DAB1: variants seen among roughly 807,000 people sequenced by gnomAD.
DAB1 encodes the protein disabled homolog 1.
A neutral mutation model predicts 64.6 loss-of-function variants in DAB1; 15 were observed. That is an observed-to-expected ratio of 0.23 (90% CI 0.16 to 0.36). The LOEUF (loss-of-function observed/expected upper bound fraction) is 0.36. Among genes scored for constraint, DAB1 ranks in the 10% least tolerant of loss-of-function variants. The pLI is 1.00. For missense variants in DAB1, 596 were observed against 706.7 expected (o/e 0.84, Z 1.78); for synonymous variants, 235 against 251.9 (o/e 0.93, Z 0.64).
chr1:58,306,609 G>A (rs1185722816), intron 4 of DAB1, among the ~76,000 whole-genome samples: 1 of 152,088 alleles, frequency 6.6e-6, no homozygotes, highest in African/African-American at 2.4e-5. Context: ...TTGCTTGGCT[G>A]CAGAATTGGG....
At chr1:57,834,925 A>G (rs1308424912) in intron 1 of DAB1, among the ~76,000 whole-genome samples, 1 of 151,946 alleles carries the variant, frequency 6.6e-6, no homozygotes, top group Admixed American at 6.6e-5. Context: ...TATTTTCCCC[A>G]CCTTTTGTTA....
intron 9 of DAB1, among the ~76,000 whole-genome samples, chr1:57,059,263 C>T (rs987275368): frequency 8.5e-5 from 13 of 152,060 alleles, no homozygotes; most frequent in Non-Finnish European, 1.5e-4. Context: ...ATCAGAGATG[C>T]AAAAAGCTGC....
chr1:57,055,839 CA>C (rs1297881678), intron 9 of DAB1, among the ~76,000 whole-genome samples: 1 of 152,058 alleles, frequency 6.6e-6, no homozygotes, highest in African/African-American at 2.4e-5. Flanking sequence ...CTGGAAATCT[CA>C]AGAAGGCCTA....
intron 2 of DAB1, among the ~76,000 whole-genome samples, chr1:57,192,052 T>C (rs1022970676): frequency 6.6e-6 from 1 of 152,054 alleles, no homozygotes; most frequent in South Asian, 2.1e-4. Context: ...GCACGATGGC[T>C]CACACCTTAA....
intron 5 of DAB1, among the ~76,000 whole-genome samples, chr1:58,140,145 C>T (rs1654197827): frequency 6.6e-6 from 1 of 152,102 alleles, no homozygotes; most frequent in African/African-American, 2.4e-5. Flanking sequence ...TAGCTCCATC[C>T]CTCTTATCTT....
At chr1:57,420,281 C>T (rs2101085551) in intron 1 of DAB1, among the ~76,000 whole-genome samples, 1 of 152,314 alleles carries the variant, frequency 6.6e-6, no homozygotes, top group Non-Finnish European at 1.5e-5. Context: ...GGCAGCATAA[C>T]AGTGGTTAGG....
intron 3 of DAB1, among the ~76,000 whole-genome samples, chr1:58,372,876 C>T (rs985957665): frequency 6.6e-6 from 1 of 152,144 alleles, no homozygotes; most frequent in African/African-American, 2.4e-5. Context: ...GAGAACTCCC[C>T]ACCCCTGTAG....
rs556989857 is a variant in DAB1 at position 57,615,162 on chromosome 1, G to T, written n.625+34430C>A. Among the ~76,000 whole-genome samples the T allele has an allele frequency of 1.1e-4, 16 of 152,184 alleles. No homozygotes were observed. The East Asian group carries it at 2.9e-3, about 28-fold the overall frequency. On this transcript the variant is annotated intron_variant and non_coding_transcript_variant, in intron 7 of 20. Transcript: ENST00000485760. Reference sequence around the variant, plus strand: ...TGGGATTACAGGCATGAGCCACTGCGCCCGGCCTCTGTCTTCTTTCTTAGT... The same window carrying T: ...TGGGATTACAGGCATGAGCCACTGCTCCCGGCCTCTGTCTTCTTTCTTAGT...
At chr1:57,359,224 G>A (rs1043169510) in intron 1 of DAB1, among the ~76,000 whole-genome samples, 2 of 151,738 alleles carry the variant, frequency 1.3e-5, no homozygotes, top group African/African-American at 4.8e-5. Context: ...AAAATATATA[G>A]GGAACTCAAA....
At chr1:57,819,076 A>G (rs1440077332) in intron 6 of DAB1, among the ~76,000 whole-genome samples, 1 of 152,202 alleles carries the variant, frequency 6.6e-6, no homozygotes, top group Non-Finnish European at 1.5e-5. Context: ...GCATAGTGCT[A>G]TATACATATT....
intron 7 of DAB1, among the ~76,000 whole-genome samples, chr1:57,442,707 G>C (rs1261523511): frequency 1.3e-5 from 2 of 152,204 alleles, no homozygotes; most frequent in East Asian, 3.9e-4. Flanking sequence ...GAAAGACACA[G>C]CTGGGATGCC....
chr1:57,439,961 A>G (rs1380138690), intron 7 of DAB1, among the ~76,000 whole-genome samples: 3 of 152,094 alleles, frequency 2.0e-5, no homozygotes, highest in Non-Finnish European at 2.9e-5. Context: ...TCATCTTATG[A>G]TGTTCTTCCA....
chr1:57,122,277 C>A (rs1656735294), intron 4 of DAB1, among the ~76,000 whole-genome samples: 1 of 152,128 alleles, frequency 6.6e-6, no homozygotes. Flanking sequence ...ATCCCAGTGC[C>A]TGGTACACAT....
At chr1:57,675,241 A>G (rs762679496) in intron 6 of DAB1, among the ~76,000 whole-genome samples, 2 of 152,204 alleles carry the variant, frequency 1.3e-5, no homozygotes, top group African/African-American at 2.4e-5. Context: ...ACAGCAGAAC[A>G]TAGTCAAGCC....
At chr1:57,937,792 C>G (rs913502202) in intron 5 of DAB1, among the ~76,000 whole-genome samples, 4 of 152,232 alleles carry the variant, frequency 2.6e-5, no homozygotes, top group African/African-American at 7.2e-5. Context: ...CCCTTCCTTA[C>G]TAGTATCTGG....
chr1:58,190,729 GA>G (rs1422384491), intron 4 of DAB1, among the ~76,000 whole-genome samples: 3 of 152,244 alleles, frequency 2.0e-5, no homozygotes, highest in African/African-American at 7.2e-5. Context: ...GAGGCAGAAT[GA>G]AAAGGGACAC....
chr1:57,537,945 G>A (rs932548950), intron 7 of DAB1, among the ~76,000 whole-genome samples: 2 of 152,078 alleles, frequency 1.3e-5, no homozygotes, highest in African/African-American at 4.8e-5. Context: ...GAAGGCTAGG[G>A]GGGCATGCAA....
At chr1:57,011,329 T>A in intron 12 of DAB1, 57 bp from the exon 13 acceptor site, 1 of 1,587,994 alleles carries the variant, frequency 6.3e-7, no homozygotes, top group Non-Finnish European at 8.6e-7. Flanking sequence ...CATGAATGTA[T>A]CCCAAAGAAA....
chr1:57,426,857 A>AT (rs1479559443), upstream of DAB1, among the ~76,000 whole-genome samples: 10 of 135,790 alleles, frequency 7.4e-5, no homozygotes, highest in South Asian at 2.3e-4. Flanking sequence ...CTTAAATGAG[A>AT]TAATATATAT....
Sources: gnomAD v4.1 joint callset for allele counts (sites outside exome capture counted in the v4.1 genomes callset) on GRCh38, gnomAD v4.1.1 for gene constraint, MANE v1.5 for transcripts, NCBI Gene and HGNC (gene_info 2026-07-23, HGNC 2026-07-21) for gene names.